SHISAL1: variants seen among roughly 807,000 people sequenced by gnomAD.
SHISAL1 encodes the protein shisa like 1.
Under a neutral mutation model 22.6 loss-of-function variants are expected in SHISAL1, and 9 were observed. The ratio of observed to expected loss-of-function variants is 0.40; its 90% CI spans 0.24 to 0.70. The LOEUF is 0.70. SHISAL1 is among the 30% of genes least tolerant of loss of function. The pLI is 0.39. For synonymous variants in SHISAL1, 119 were observed against 115.4 expected, an observed-to-expected ratio of 1.03 and a Z score of -0.20; for missense variants, 246 against 270.6, an observed-to-expected ratio of 0.91 and a Z score of 0.64.
intron 4 of SHISAL1, among the ~76,000 whole-genome samples, chr22:44,281,392 T>C (rs909931714): frequency 6.6e-6 from 1 of 152,028 alleles, no homozygotes; most frequent in Admixed American, 6.6e-5. Context: ...TGGGAGGGCC[T>C]GGCTGGGCTG....
chr22:44,307,432 T>G (rs1354890239), intron 1 of SHISAL1, among the ~76,000 whole-genome samples: 1 of 152,198 alleles, frequency 6.6e-6, no homozygotes, highest in African/African-American at 2.4e-5. Flanking sequence ...CTCTACCTCC[T>G]GGCACTGAAA....
chr22:44,269,969 C>T (rs1452701970), intron 4 of SHISAL1, among the ~76,000 whole-genome samples: 3 of 152,174 alleles, frequency 2.0e-5, no homozygotes, highest in Admixed American at 1.3e-4. Context: ...CTCAGTGTGC[C>T]CCTCCAACAT....
At chr22:44,321,342 C>G in the SHISAL1 span, among the ~76,000 whole-genome samples, 2 of 152,220 alleles carry the variant, frequency 1.3e-5, no homozygotes, top group Non-Finnish European at 2.9e-5. Flanking sequence ...AGACCCATTT[C>G]CCAGGCTCTA....
At chr22:44,314,456 A>G (rs2055544570), upstream of SHISAL1, among the ~76,000 whole-genome samples, 1 of 152,092 alleles carries the variant, frequency 6.6e-6, no homozygotes, top group Non-Finnish European at 1.5e-5. Flanking sequence ...GATCTGGAAC[A>G]CCTATGACAT....
At chr22:44,263,079 C>CTTTTTT (rs922017518) in intron 4 of SHISAL1, among the ~76,000 whole-genome samples, 1 of 88,248 alleles carries the variant, frequency 1.1e-5, no homozygotes, top group African/African-American at 4.1e-5. Context: ...TTCTTTCTTT[C>CTTTTTT]TTTTTTTTTT....
At chr22:44,260,599 C>T (rs1203184410) in intron 4 of SHISAL1, among the ~76,000 whole-genome samples, 2 of 152,250 alleles carry the variant, frequency 1.3e-5, no homozygotes, top group African/African-American at 2.4e-5. Context: ...GGTAAGCTCA[C>T]TCCTTTACAA....
At chr22:44,263,480 C>A (rs1179788017) in intron 4 of SHISAL1, among the ~76,000 whole-genome samples, 1 of 152,194 alleles carries the variant, frequency 6.6e-6, no homozygotes, top group Non-Finnish European at 1.5e-5. Flanking sequence ...CATCAAGGAA[C>A]CTATCTGGGG....
chr22:44,309,059 C>T (rs7286242), intron 1 of SHISAL1, among the ~76,000 whole-genome samples: 142,987 of 152,208 alleles, frequency 0.94, 67,216 homozygotes, highest in African/African-American at 0.96. Context: ...TACGTCCAAA[C>T]TGAACCTGCC....
At chr22:44,264,852 C>T (rs1204600854) in intron 4 of SHISAL1, among the ~76,000 whole-genome samples, 1 of 151,796 alleles carries the variant, frequency 6.6e-6, no homozygotes, top group Non-Finnish European at 1.5e-5. Flanking sequence ...CCAGAGGCCC[C>T]AGCAATTCAC....
At chr22:44,314,024 G>A (rs75293078), upstream of SHISAL1, among the ~76,000 whole-genome samples, 244 of 152,238 alleles carry the variant, frequency 1.6e-3, 9 homozygotes, top group East Asian at 0.039. Context: ...GGTAGGGGCC[G>A]GGAGTGGGGG....
intron 3 of SHISAL1, among the ~76,000 whole-genome samples, chr22:44,291,551 C>T (rs1469178453): frequency 6.6e-6 from 1 of 151,914 alleles, no homozygotes; most frequent in Non-Finnish European, 1.5e-5. Flanking sequence ...CACTTCCTTC[C>T]CCTGGGGAAG....
rs759769479 is a variant in SHISAL1, at chr22:44,285,606, A to G, written c.421T>C (p.Trp141Arg). ...YLARWGIQGR[W>R]MKQDPRRWGN... is the part of the protein sequence containing the mutation. ...CACCGCCGGGGGTCCTGTTTCATCC[A>G]TCGTCCTTGGATGCCCCACCGTGCC... Residue 141 changes from tryptophan (W) to arginine (R), a missense_variant, in exon 4 of 5, where the codon TGG becomes CGG. By Grantham distance (101) the Trp-to-Arg change is moderately radical (BLOSUM62 -3). This residue lies in a region of SHISAL1 where 136 missense variants were observed against 117.5 expected (regional missense o/e 1.16). Coordinates refer to ENST00000381176, the MANE Select transcript of SHISAL1 (RefSeq NM_001099294.2). 26 of 1,614,032 alleles carry G rather than the reference A, an allele frequency of 1.6e-5. No homozygotes were observed. The highest frequency in any genetic ancestry group is 1.9e-5 in the Non-Finnish European group (23 of 1,179,928).
At chr22:44,290,529 C>CAAAAAAAAAAAAAAAAAAAAAAA (rs546640216) in intron 3 of SHISAL1, among the ~76,000 whole-genome samples, 6 of 84,290 alleles carry the variant, frequency 7.1e-5, no homozygotes, top group African/African-American at 2.8e-4. Flanking sequence ...AACTCAGTCT[C>CAAAAAAAAAAAAAAAAAAAAAAA]AAAAAAAAAA....
At chr22:44,269,709 CAT>C (rs1306937927) in intron 4 of SHISAL1, among the ~76,000 whole-genome samples, 1 of 151,284 alleles carries the variant, frequency 6.6e-6, no homozygotes, top group Non-Finnish European at 1.5e-5. Context: ...ACTCACAACA[CAT>C]ACACACACCC....
chr22:44,261,046 G>C (rs1245153636), intron 4 of SHISAL1, among the ~76,000 whole-genome samples: 17 of 140,616 alleles, frequency 1.2e-4, no homozygotes, highest in African/African-American at 4.5e-4. Flanking sequence ...TCTTGTGCCA[G>C]TGGTGAGAAT....
intron 4 of SHISAL1, among the ~76,000 whole-genome samples, chr22:44,274,799 GCTTTT>G (rs1463876911): frequency 6.6e-6 from 1 of 152,206 alleles, no homozygotes; most frequent in Non-Finnish European, 1.5e-5. Context: ...ATCCCGAGCG[GCTTTT>G]CTTTTCCTAT....
chr22:44,299,738 A>T (rs140977671), intron 2 of SHISAL1, among the ~76,000 whole-genome samples: 1 of 152,320 alleles, frequency 6.6e-6, no homozygotes, highest in African/African-American at 2.4e-5. Flanking sequence ...AGACAGAGAC[A>T]GAAAGACAGA....
At chr22:44,251,797 A>G (rs2055049434) in intron 4 of SHISAL1, among the ~76,000 whole-genome samples, 2 of 152,210 alleles carry the variant, frequency 1.3e-5, no homozygotes, top group African/African-American at 4.8e-5. Flanking sequence ...CCCATGCCAC[A>G]TGGAAATTGT....
rs1295792441 is a variant in SHISAL1 at position 44,248,302 on chromosome 22, GAC to G, written c.*1381_*1382del. On this transcript the variant is annotated 3_prime_UTR_variant, in exon 5 of 5. Coordinates refer to ENST00000381176, the MANE Select transcript of SHISAL1 (RefSeq NM_001099294.2). ...ATGAAATGAGGAAACTGCGTCAGAG[GAC>G]ACACACATTGATCAAGCAGGGCCTC... The G allele has an allele frequency of 2.0e-5, 3 of 152,394 alleles. No homozygotes were observed. In the East Asian group the frequency reaches 5.8e-4, roughly 29 times the overall value. The allele number at this position is 152,394 out of a possible 1,614,324, so 9.4% of individuals were successfully genotyped here.
Sources: gnomAD v4.1 joint callset for allele counts (sites outside exome capture counted in the v4.1 genomes callset) on GRCh38, gnomAD v4.1.1 for gene constraint, gnomAD v4.1.1 regional missense constraint, MANE v1.5 for transcripts, NCBI Gene and HGNC (gene_info 2026-07-23, HGNC 2026-07-21) for gene names.